The following APPBP2 variants were observed in gnomAD, a reference collection of about 807,000 sequenced individuals.
The protein encoded by APPBP2 is amyloid beta precursor protein binding protein 2, also known as amyloid protein-binding protein 2.
APPBP2 carries 15 observed loss-of-function variants against 76.0 expected under a neutral mutation model. The observed-to-expected ratio is 0.20, with a 90% CI of 0.13 to 0.30. The LOEUF is 0.30. Ranked by LOEUF, APPBP2 falls within the 10% of genes least tolerant of loss-of-function variation. The probability of loss-of-function intolerance (pLI) is 1.00; values close to 1 mark genes in which losing one functional copy is unlikely to be tolerated. For synonymous variants in APPBP2, 222 were observed against 242.2 expected, an observed-to-expected ratio of 0.92 and a Z score of 0.77; for missense variants, 401 against 687.2, an observed-to-expected ratio of 0.58 and a Z score of 4.66.
chr17:60,493,447 C>T (rs1249204371), intron 3 of APPBP2, among the ~76,000 whole-genome samples: 3 of 152,110 alleles, frequency 2.0e-5, no homozygotes, highest in African/African-American at 7.2e-5. Flanking sequence ...TATTTTTCTA[C>T]ATGTATAGCA....
At chr17:60,515,554 G>A (rs1168760243) in intron 1 of APPBP2, among the ~76,000 whole-genome samples, 1 of 152,092 alleles carries the variant, frequency 6.6e-6, no homozygotes, top group African/African-American at 2.4e-5. Flanking sequence ...ATCTCAGAAG[G>A]CTCCCCTCAT....
intron 1 of APPBP2, among the ~76,000 whole-genome samples, chr17:60,506,765 C>T (rs1270013160): frequency 2.0e-5 from 3 of 152,222 alleles, no homozygotes; most frequent in African/African-American, 4.8e-5. Flanking sequence ...CCCCCGGGCG[C>T]GGTGGCTCGC....
chr17:60,471,788 A>T (rs2143354125), intron 4 of APPBP2, among the ~76,000 whole-genome samples: 1 of 152,066 alleles, frequency 6.6e-6, no homozygotes, highest in East Asian at 1.9e-4. Flanking sequence ...CTTTTTTGTG[A>T]TGTCATTTTT....
intron 12 of APPBP2, among the ~76,000 whole-genome samples, chr17:60,449,359 AGGCGGGCAGGCT>A (rs2090373821): frequency 6.6e-6 from 1 of 152,222 alleles, no homozygotes; most frequent in Non-Finnish European, 1.5e-5. Context: ...TGGGAGGCCC[AGGCGGGCAGGCT>A]GCCTGAGGTC....
At chr17:60,457,634 T>G (rs1332555323) in intron 9 of APPBP2, among the ~76,000 whole-genome samples, 4 of 152,096 alleles carry the variant, frequency 2.6e-5, no homozygotes, top group African/African-American at 7.2e-5. Context: ...TTTGCTATGT[T>G]GTCCAGGCTG....
At chr17:60,515,562 CAT>C (rs1795734502) in intron 1 of APPBP2, among the ~76,000 whole-genome samples, 1 of 152,218 alleles carries the variant, frequency 6.6e-6, no homozygotes, top group Non-Finnish European at 1.5e-5. Context: ...AGGCTCCCCT[CAT>C]ATCTGTCCCT....
At chr17:60,464,894 CA>C in intron 5 of APPBP2, 1 of 152,032 alleles carries the variant, frequency 6.6e-6, no homozygotes, top group Non-Finnish European at 1.5e-5. Flanking sequence ...TATCAAAAAT[CA>C]AAAAAATTAG....
Position 60,476,825 on chromosome 17 carries a change from A to C in APPBP2, c.503+2323T>G, listed in dbSNP as rs553648302. On this transcript the variant is annotated intron_variant, in intron 4 of 12. Transcript: ENST00000083182. The stretch of plus-strand genomic sequence containing the variant: ...AATTCCTAAGCTCAAGCAATCCTCA[A>C]ATCTTGGCCTCCCAAAGTGCTAGGA... 2.0e-3 allele frequency among the ~76,000 whole-genome samples: 308 copies of C among 152,264 alleles called. 1 individual carries two copies. Among genetic ancestry groups the C allele is most frequent in the African/African-American group, 7.0e-3 (291 of 41,574 alleles).
At chr17:60,504,028 T>G (rs1387663982) in intron 1 of APPBP2, among the ~76,000 whole-genome samples, 3 of 152,160 alleles carry the variant, frequency 2.0e-5, no homozygotes, top group Non-Finnish European at 4.4e-5. Context: ...GATGGAAGAT[T>G]TAAAGGTTAA....
intron 1 of APPBP2, among the ~76,000 whole-genome samples, chr17:60,508,964 C>A (rs2143476557): frequency 6.6e-6 from 1 of 152,106 alleles, no homozygotes; most frequent in East Asian, 1.9e-4. Context: ...AAGTAAATTG[C>A]AAAGAAAATA....
intron 3 of APPBP2, among the ~76,000 whole-genome samples, chr17:60,481,235 T>C (rs1222984642): frequency 6.6e-6 from 1 of 152,208 alleles, no homozygotes; most frequent in African/African-American, 2.4e-5. Flanking sequence ...CACAGCTGCT[T>C]TGTCCATAAT....
chr17:60,484,792 A>G (rs1227471452), intron 3 of APPBP2, among the ~76,000 whole-genome samples: 1 of 152,146 alleles, frequency 6.6e-6, no homozygotes, highest in Non-Finnish European at 1.5e-5. Flanking sequence ...AAAGACAGAA[A>G]ACTGTCTTGT....
intron 2 of APPBP2, chr17:60,496,575 C>T (rs1192587214): frequency 1.3e-5 from 2 of 152,058 alleles, no homozygotes; most frequent in African/African-American, 4.8e-5. Context: ...TTCTAGTCTT[C>T]TTTTACCAAA....
At chr17:60,486,784 AGCATCGATGG>A (rs2143406341) in intron 3 of APPBP2, among the ~76,000 whole-genome samples, 1 of 152,236 alleles carries the variant, frequency 6.6e-6, no homozygotes, top group South Asian at 2.1e-4. Context: ...GTTTCTTCCG[AGCATCGATGG>A]TCTTTACAAT....
At chr17:60,522,699 C>T (rs1202758931) in intron 1 of APPBP2, among the ~76,000 whole-genome samples, 1 of 151,970 alleles carries the variant, frequency 6.6e-6, no homozygotes, top group Non-Finnish European at 1.5e-5. Flanking sequence ...TTAATTTATG[C>T]ACGGTGAAGG....
chr17:60,453,874 ATTG>A (rs1280675655), intron 11 of APPBP2, among the ~76,000 whole-genome samples: 1 of 148,994 alleles, frequency 6.7e-6, no homozygotes, highest in East Asian at 2.0e-4. Context: ...TATTTTGACT[ATTG>A]TTTGTTTGTT....
At position 60,454,478 on chromosome 17, in the gene APPBP2, C is replaced by T. The variant is rs2090418432; in HGVS notation, c.1162G>A (p.Glu388Lys). 1.3e-6 allele frequency: 2 copies of T among 1,593,878 alleles called. No individual in the cohort carries two copies. ...TTATTATGACAATCAATTGCAATCTCCTCTAAAATAAGTGCTAAAAAAGAA... is the reference window on the plus strand; with the variant it reads ...TTATTATGACAATCAATTGCAATCTTCTCTAAAATAAGTGCTAAAAAAGAA... The part of the protein sequence containing the change: ...SKRVKALILE[E>K]IAIDCHNKET... The change falls in exon 11 of 13, where the codon GAG becomes AAG. Residue 388 changes from glutamate to lysine, a missense_variant. Transcript: ENST00000083182.
In APPBP2 at chr17:60,502,856, A is replaced by T. The variant is rs1453511236; in HGVS notation, c.139-2369T>A. On this transcript the variant is annotated intron_variant, in intron 1 of 12. Transcript: ENST00000083182. ...ATGGAGCAAAACTCTGTCTCAAAAA[A>T]AACAAAAAAAGAATAAACAAAAACA... is the stretch of plus-strand genomic sequence containing the variant. Among the ~76,000 whole-genome samples, 3 of 146,456 alleles carry T rather than the reference A, an allele frequency of 2.0e-5. 1 individual carries two copies. The highest frequency in any genetic ancestry group is 8.4e-5 in the African/African-American group (3 of 35,912).
chr17:60,460,677 T>C lies in APPBP2; in HGVS notation c.1047A>G (p.Lys349=), dbSNP rs1379469456. 4 of 1,611,738 alleles carry C rather than the reference T, an allele frequency of 2.5e-6. No individual in the cohort carries two copies. The highest frequency in any genetic ancestry group is 1.3e-5 in the African/African-American group (1 of 74,848). ...GTGGAACTTACAGTGCATTGTCAAA[T>C]TTCCCAGAGCTATACTGGTGGACAT... ...SSYVHQYSSG[K]FDNALFHAER... The change falls in exon 9 of 13, where the codon AAA becomes AAG. Residue 349 remains lysine (K), a synonymous_variant. Transcript: ENST00000083182.
Sources: gnomAD v4.1 joint callset for allele counts (sites outside exome capture counted in the v4.1 genomes callset) on GRCh38, gnomAD v4.1.1 for gene constraint, MANE v1.5 for transcripts, NCBI Gene and HGNC (gene_info 2026-07-23, HGNC 2026-07-21) for gene names.